Variants in ATP2C2 observed in about 807,000 individuals in gnomAD.
The protein encoded by ATP2C2 is calcium-transporting ATPase type 2C member 2.
In ATP2C2, 171 loss-of-function variants were observed where a neutral mutation model predicts 110.8. The ratio of observed to expected loss-of-function variants is 1.54; its 90% CI spans 1.36 to 1.75. The LOEUF is 1.75. Among genes scored for constraint, ATP2C2 ranks in the 40% most tolerant of loss-of-function variants. The probability of loss-of-function intolerance (pLI) is 0.00; values close to 1 mark genes in which losing one functional copy is unlikely to be tolerated. For synonymous variants in ATP2C2, 804 were observed against 508.4 expected (o/e 1.58, Z -7.82); for missense variants, 1,963 against 1,235.0 (o/e 1.59, Z -8.84).
Position 84,442,446 on chromosome 16 carries a change from C to T in ATP2C2, c.1312-64C>T, listed in dbSNP as rs1184289432. 2.6e-6 allele frequency: 4 copies of T among 1,516,874 alleles called. No homozygotes were observed. The Admixed American group carries it at 5.0e-5, about 19-fold the overall frequency. 94.0% of individuals were successfully genotyped at this position (1,516,874 alleles called of 1,614,324 possible). ...CCCAGCTGTAAAAATGGGACAGGCC[C>T]ACAATGTCTAACTTTTTCATGAGCC... On this transcript the variant is annotated intron_variant, in intron 14 of 26. Transcript: ENST00000262429.
chr16:84,448,877 C>T (rs1910005059), intron 17 of ATP2C2, among the ~76,000 whole-genome samples, 188 bp downstream of exon 17: 1 of 152,216 alleles, frequency 6.6e-6, no homozygotes, highest in Non-Finnish European at 1.5e-5. Flanking sequence ...CACCTCATCC[C>T]AGTTCCTTAG....
chr16:84,453,464 G>C (rs1013237611), intron 20 of ATP2C2, 93 bp downstream of exon 20: 1 of 1,520,912 alleles, frequency 6.6e-7, no homozygotes, highest in Non-Finnish European at 9.1e-7. Flanking sequence ...GGGTGACAGT[G>C]CAGGGCCCGA....
In ATP2C2 at chr16:84,453,395, G is replaced by A. The variant is rs776223142; in HGVS notation, c.1980+24G>A. ...AGGTTCGCTGGGCAAGGCAGGCACA[G>A]GCTGCGCTGCTGGGGCCGGGCCAGA... On this transcript the variant is annotated intron_variant, in intron 20 of 26. Coordinates refer to ENST00000262429, the MANE Select transcript of ATP2C2 (RefSeq NM_014861.4). 48 of 1,613,904 alleles carry A rather than the reference G, an allele frequency of 3.0e-5. No individual in the cohort carries two copies. The Admixed American group carries it at 4.2e-4, about 14-fold the overall frequency.
intron 17 of ATP2C2, among the ~76,000 whole-genome samples, chr16:84,450,510 G>A (rs576754135): frequency 4.6e-5 from 7 of 152,254 alleles, no homozygotes; most frequent in South Asian, 2.1e-4. Flanking sequence ...GGGATAGAGC[G>A]CTACTAGGTG....
At chr16:84,370,292 C>T (rs1366414770) in intron 1 of ATP2C2, among the ~76,000 whole-genome samples, 3 of 152,156 alleles carry the variant, frequency 2.0e-5, no homozygotes, top group Non-Finnish European at 4.4e-5. Flanking sequence ...TGGCTGTGGA[C>T]CGGGGTGCTC....
At chr16:84,423,027 T>C (rs1404456275) in intron 9 of ATP2C2, among the ~76,000 whole-genome samples, 161 bp from the exon 10 acceptor site, 2 of 152,138 alleles carry the variant, frequency 1.3e-5, no homozygotes, top group Non-Finnish European at 1.5e-5. Flanking sequence ...CAGACAGTAA[T>C]ACGCACAGGT....
chr16:84,423,104 G>A, intron 9 of ATP2C2, 84 bp from the exon 10 acceptor site: 1 of 1,208,888 alleles, frequency 8.3e-7, no homozygotes, highest in Non-Finnish European at 1.2e-6. Flanking sequence ...TGAAGCTGTA[G>A]GATGGCAAGG....
Position 84,463,737 on chromosome 16 carries a change from C to T in ATP2C2, c.*5C>T. 4 of 1,599,784 alleles carry T rather than the reference C, an allele frequency of 2.5e-6. No individual in the cohort carries two copies. In the South Asian group the frequency reaches 4.4e-5, roughly 18 times the overall value. ...ATGCACCCTGAAGATGTGTAGTGGACCGCACTCCGCGGCACCTTCCCTAAT... is the reference window on the plus strand; with the variant it reads ...ATGCACCCTGAAGATGTGTAGTGGATCGCACTCCGCGGCACCTTCCCTAAT... On this transcript the variant is annotated 3_prime_UTR_variant, in exon 27 of 27. Coordinates refer to ENST00000262429, the MANE Select transcript of ATP2C2 (RefSeq NM_014861.4).
intron 1 of ATP2C2, among the ~76,000 whole-genome samples, chr16:84,396,348 C>T (rs1041969977): frequency 6.6e-6 from 1 of 151,848 alleles, no homozygotes; most frequent in African/African-American, 2.4e-5. Context: ...AAATTTGAGA[C>T]CAGCCTGGCC....
At chr16:84,452,774 C>T (rs1910412185) in intron 18 of ATP2C2, among the ~76,000 whole-genome samples, 1 of 152,164 alleles carries the variant, frequency 6.6e-6, no homozygotes. Flanking sequence ...GCTGGGATTA[C>T]AGGCATGAGC....
chr16:84,411,388 C>T (rs8052881), intron 6 of ATP2C2, among the ~76,000 whole-genome samples: 28,541 of 152,174 alleles, frequency 0.19, 3,334 homozygotes, highest in South Asian at 0.39. Flanking sequence ...ATAGAACTTG[C>T]AGGAAATGTT....
intron 11 of ATP2C2, 42 bp from the exon 12 acceptor site, chr16:84,439,124 C>T (rs776751824): frequency 6.2e-7 from 1 of 1,610,336 alleles, no homozygotes; most frequent in Non-Finnish European, 8.5e-7. Flanking sequence ...TCACACACTC[C>T]TTAAATGTGT....
intron 15 of ATP2C2, among the ~76,000 whole-genome samples, chr16:84,443,680 A>G (rs757674451): frequency 4.6e-5 from 7 of 152,124 alleles, no homozygotes; most frequent in Non-Finnish European, 7.4e-5. Flanking sequence ...TTTTCAGCTT[A>G]CCTGTCCCAT....
At chr16:84,389,256 T>G (rs2151406890) in intron 1 of ATP2C2, among the ~76,000 whole-genome samples, 1 of 152,322 alleles carries the variant, frequency 6.6e-6, no homozygotes, top group Non-Finnish European at 1.5e-5. Context: ...AGAAGGCCCC[T>G]CATTCCAGTA....
At chr16:84,420,476 T>C (rs1006786814) in intron 7 of ATP2C2, among the ~76,000 whole-genome samples, 22 of 151,474 alleles carry the variant, frequency 1.5e-4, no homozygotes, top group Non-Finnish European at 2.2e-4. Context: ...TTCTTTCTTT[T>C]TTTTTTTTTT....
chr16:84,409,063 A>G (rs904309708), intron 4 of ATP2C2, among the ~76,000 whole-genome samples: 3 of 151,936 alleles, frequency 2.0e-5, no homozygotes, highest in African/African-American at 4.8e-5. Context: ...GCAACCACCA[A>G]TCTTTTTCTA....
At position 84,461,832 on chromosome 16, in the gene ATP2C2, T is replaced by C. The variant is rs753209672; in HGVS notation, c.2580+20T>C. 6.2e-7 allele frequency: 1 copy of C among 1,611,362 alleles called. No homozygotes were observed. The highest frequency in any genetic ancestry group is 8.5e-7 in the Non-Finnish European group (1 of 1,177,454). ...TCTCAGGTGAGACCCGGGCTGACCC[T>C]CCTCGCTGCAGAGCTGCTGTGTGTT... On this transcript the variant is annotated intron_variant, in intron 25 of 26. Coordinates refer to ENST00000262429, the MANE Select transcript of ATP2C2 (RefSeq NM_014861.4).
Position 84,459,184 on chromosome 16 carries a change from AG to A in ATP2C2, c.2213del (p.Ser738ThrfsTer7). On this transcript the variant is annotated frameshift_variant, in exon 22 of 27. Transcript: ENST00000262429. LOFTEE classifies it high-confidence loss of function. ...CAAAAACTTTGTCCGATTCCAGCTGAGCACGTAAGTAGAGGCCAGCATTCCG... is the reference window on the plus strand; with the variant it reads ...CAAAAACTTTGTCCGATTCCAGCTGACACGTAAGTAGAGGCCAGCATTCCG... ...NIKNFVRFQL[S>X]TSISALSLIT... The A allele has an allele frequency of 6.2e-7, 1 of 1,614,220 alleles. No individual in the cohort carries two copies. Among genetic ancestry groups the A allele is most frequent in the Non-Finnish European group, 8.5e-7 (1 of 1,180,038 alleles).
chr16:84,413,523 G>C (rs1369078060), intron 6 of ATP2C2, among the ~76,000 whole-genome samples: 1 of 152,174 alleles, frequency 6.6e-6, no homozygotes, highest in African/African-American at 2.4e-5. Flanking sequence ...ATCCAGACAT[G>C]TGACATCATT....
Sources: gnomAD v4.1 joint callset for allele counts (sites outside exome capture counted in the v4.1 genomes callset) on GRCh38, gnomAD v4.1.1 for gene constraint, MANE v1.5 for transcripts, NCBI Gene and HGNC (gene_info 2026-07-23, HGNC 2026-07-21) for gene names.